The following AKAP7 variants were observed in gnomAD, a reference collection of about 807,000 sequenced individuals.
The protein encoded by AKAP7 is A-kinase anchoring protein 7.
Under a neutral mutation model 39.5 loss-of-function variants are expected in AKAP7, and 39 were observed. The ratio of observed to expected loss-of-function variants is 0.99; its 90% CI spans 0.76 to 1.29. The LOEUF (loss-of-function observed/expected upper bound fraction) is 1.29, where lower values mean the gene tolerates loss of function less well. Among genes scored for constraint, AKAP7 ranks in the 50% most tolerant of loss-of-function variants. The pLI is 0.00. For synonymous variants in AKAP7, 140 were observed against 139.1 expected (o/e 1.01, Z -0.05); for missense variants, 414 against 407.7 (o/e 1.02, Z -0.13).
At chr6:131,151,787 G>A (rs74932305) in intron 2 of AKAP7, among the ~76,000 whole-genome samples, 1 of 152,156 alleles carries the variant, frequency 6.6e-6, no homozygotes, top group Non-Finnish European at 1.5e-5. Flanking sequence ...AGTGTTCTAA[G>A]TCAATAGCTA....
intron 7 of AKAP7, among the ~76,000 whole-genome samples, chr6:131,250,842 A>T (rs1220597830): frequency 6.6e-6 from 1 of 152,100 alleles, no homozygotes. Context: ...AAATACTGAA[A>T]ACTCATTTCT....
At chr6:131,210,116 T>C (rs1285473161) in intron 6 of AKAP7, among the ~76,000 whole-genome samples, 2 of 152,234 alleles carry the variant, frequency 1.3e-5, no homozygotes, top group African/African-American at 2.4e-5. Context: ...GACTCAGATA[T>C]GAGAAGGAAT....
chr6:131,204,844 A>T (rs1807934174), intron 6 of AKAP7, among the ~76,000 whole-genome samples: 1 of 152,156 alleles, frequency 6.6e-6, no homozygotes, highest in Non-Finnish European at 1.5e-5. Context: ...TCTGGAAAAG[A>T]GCTAAATGAT....
intron 7 of AKAP7, among the ~76,000 whole-genome samples, chr6:131,271,231 T>C (rs1321575859): frequency 6.6e-6 from 1 of 152,088 alleles, no homozygotes; most frequent in African/African-American, 2.4e-5. Context: ...TCATTTTAAT[T>C]TTTATATTGG....
chr6:131,268,003 G>A (rs1813955807), intron 7 of AKAP7, among the ~76,000 whole-genome samples: 1 of 152,152 alleles, frequency 6.6e-6, no homozygotes, highest in African/African-American at 2.4e-5. Flanking sequence ...AGCATGGGAA[G>A]GAAGGAAGGG....
chr6:131,132,624 C>T (rs1800352558), upstream of AKAP7, among the ~76,000 whole-genome samples: 1 of 152,148 alleles, frequency 6.6e-6, no homozygotes, highest in South Asian at 2.1e-4. Flanking sequence ...TTTGAAAAGC[C>T]TGAGCCAATT....
At chr6:131,220,672 A>T (rs1809617391) in intron 7 of AKAP7, among the ~76,000 whole-genome samples, 1 of 152,206 alleles carries the variant, frequency 6.6e-6, no homozygotes, top group Non-Finnish European at 1.5e-5. Context: ...AAGAAATTGA[A>T]GGTTTGTAGC....
intron 1 of AKAP7, among the ~76,000 whole-genome samples, chr6:131,139,929 G>T (rs182370440): frequency 1.3e-5 from 2 of 152,206 alleles, no homozygotes; most frequent in Non-Finnish European, 2.9e-5. Flanking sequence ...AAGTATACAT[G>T]CAGTGATTGG....
At chr6:131,178,903 C>A (rs1211035610) in intron 5 of AKAP7, among the ~76,000 whole-genome samples, 4 of 152,210 alleles carry the variant, frequency 2.6e-5, no homozygotes, top group Admixed American at 2.6e-4. Flanking sequence ...GTGGTCCTCT[C>A]TCCCTGCCCA....
chr6:131,133,421 G>A (rs117457474), upstream of AKAP7, among the ~76,000 whole-genome samples: 2,960 of 152,296 alleles, frequency 0.019, 45 homozygotes, highest in Non-Finnish European at 0.033. Context: ...ACAAGAAGAT[G>A]TCCAAGGTTC....
intron 6 of AKAP7, among the ~76,000 whole-genome samples, chr6:131,211,432 A>G (rs1287546832): frequency 6.6e-6 from 1 of 152,072 alleles, no homozygotes; most frequent in African/African-American, 2.4e-5. Flanking sequence ...AGCAAATCTA[A>G]TGTTTATAGA....
intron 5 of AKAP7, among the ~76,000 whole-genome samples, chr6:131,198,974 C>T (rs1807243270): frequency 6.6e-6 from 1 of 152,174 alleles, no homozygotes; most frequent in Non-Finnish European, 1.5e-5. Flanking sequence ...TGTTTCATCT[C>T]CTTACACAAG....
At chr6:131,158,171 G>T (rs2128236463) in intron 2 of AKAP7, among the ~76,000 whole-genome samples, 2 of 152,318 alleles carry the variant, frequency 1.3e-5, no homozygotes, top group Middle Eastern at 3.4e-3. Context: ...ATGTTAACTA[G>T]TTGTGCAGAA....
At chr6:131,274,017 TTTTC>T (rs1256576246) in intron 7 of AKAP7, among the ~76,000 whole-genome samples, 4 of 151,160 alleles carry the variant, frequency 2.6e-5, no homozygotes, top group East Asian at 1.9e-4. Flanking sequence ...TCAGCTCACC[TTTTC>T]TTTTTCTTTT....
intron 6 of AKAP7, among the ~76,000 whole-genome samples, chr6:131,214,893 T>C (rs1809003225): frequency 6.6e-6 from 1 of 152,192 alleles, no homozygotes; most frequent in Non-Finnish European, 1.5e-5. Context: ...CAATATATTA[T>C]TTTCTCTACT....
chr6:131,133,928 G>C (rs746257157), upstream of AKAP7, among the ~76,000 whole-genome samples: 3 of 152,170 alleles, frequency 2.0e-5, no homozygotes, highest in Non-Finnish European at 4.4e-5. Flanking sequence ...ATGCAGGTAA[G>C]ACTCATTCTC....
At chr6:131,175,091 A>G (rs1804447587) in intron 5 of AKAP7, among the ~76,000 whole-genome samples, 1 of 152,220 alleles carries the variant, frequency 6.6e-6, no homozygotes, top group Non-Finnish European at 1.5e-5. Flanking sequence ...AGAGAAAAGA[A>G]GATGCTATTA....
Position 131,186,429 on chromosome 6 carries a change from A to AT in AKAP7, c.590-13022dup, listed in dbSNP as rs569543906. ...TCTTATAAGTTATCCAGTCTCAGGT[A>AT]TTTTTTTTTTAAATAGCAATGCAGA... On this transcript the variant is annotated intron_variant, in intron 5 of 7. Transcript: ENST00000431975. Among the ~76,000 whole-genome samples, 565 of 150,264 alleles carry AT rather than the reference A, an allele frequency of 3.8e-3. 5 individuals are homozygous for AT. Among genetic ancestry groups the AT allele is most frequent in the African/African-American group, 0.012 (488 of 40,998 alleles).
intron 5 of AKAP7, among the ~76,000 whole-genome samples, chr6:131,183,776 C>T (rs1046169986): frequency 1.6e-4 from 24 of 151,970 alleles, no homozygotes; most frequent in African/African-American, 3.1e-4. Flanking sequence ...AAGAATCCTA[C>T]GTAGCAGGAA....
Sources: allele counts gnomAD v4.1 joint callset (sites outside exome capture counted in the v4.1 genomes callset), GRCh38; gene constraint gnomAD v4.1.1; transcripts MANE v1.5; gene names NCBI Gene and HGNC (gene_info 2026-07-23, HGNC 2026-07-21).